Variants in OSR2 observed in about 807,000 individuals in gnomAD.
The protein encoded by OSR2 is protein odd-skipped-related 2.
A neutral mutation model predicts 22.3 loss-of-function variants in OSR2; 8 were observed. The observed-to-expected ratio is 0.36, with a 90% confidence interval of 0.21 to 0.65. The LOEUF (loss-of-function observed/expected upper bound fraction) is 0.65. Among genes scored for constraint, OSR2 ranks in the 30% least tolerant of loss-of-function variants. The probability of loss-of-function intolerance (pLI) is 0.66; values close to 1 mark genes in which losing one functional copy is unlikely to be tolerated. For missense variants in OSR2, 311 were observed against 413.4 expected, an observed-to-expected ratio of 0.75 and a Z score of 2.15; for synonymous variants, 179 against 173.8, an observed-to-expected ratio of 1.03 and a Z score of -0.23.
At chr8:98,950,587 G>A (rs1254327278) in intron 2 of OSR2, 69 bp from the exon 3 acceptor site, 2 of 926,488 alleles carry the variant, frequency 2.2e-6, no homozygotes, top group Non-Finnish European at 3.3e-6. Flanking sequence ...TTCCTTTTAA[G>A]TAATTGCTAA....
At chr8:98,947,109 C>T (rs1840631576) in intron 1 of OSR2, among the ~76,000 whole-genome samples, 1 of 151,802 alleles carries the variant, frequency 6.6e-6, no homozygotes, top group African/African-American at 2.4e-5. Context: ...AAGTTGATTA[C>T]TAATGGGGGT....
chr8:98,949,641 G>A lies in OSR2; in HGVS notation c.656+33G>A, dbSNP rs1587891641. 6.3e-7 allele frequency: 1 copy of A among 1,584,386 alleles called. No homozygotes were observed. Among genetic ancestry groups the A allele is most frequent in the East Asian group, 2.2e-5 (1 of 44,594 alleles). ...GGGCAAGGAGGATGGCTGGGAGAGG[G>A]AAAGCGAATTTGTCCTGGACACACC... On this transcript the variant is annotated intron_variant, in intron 2 of 3. Transcript: ENST00000297565. The surrounding 1 kb of genome is among the most constrained non-coding windows in gnomAD (Gnocchi z 5.9).
rs1334288928 is a variant in OSR2, at chr8:98,951,745, A to G, written c.*44A>G. On this transcript the variant is annotated 3_prime_UTR_variant, in exon 4 of 4. Transcript: ENST00000297565. ...CCGTGCCGCCGCTGCTCCCCTCCCC[A>G]GACACCTCTCCACGTCTCCTACCCA... 5.7e-6 allele frequency: 9 copies of G among 1,567,992 alleles called. No individual in the cohort carries two copies. Among genetic ancestry groups the G allele is most frequent in the Non-Finnish European group, 7.8e-6 (9 of 1,157,538 alleles).
At position 98,949,116 on chromosome 8, in the gene OSR2, C is replaced by T; in HGVS notation, c.164C>T (p.Thr55Met). Residue 55 changes from threonine (T) to methionine (M), a missense_variant, in exon 2 of 4, where the codon ACG becomes ATG. Thr to Met is a moderately conservative substitution (Grantham distance 81). Transcript: ENST00000297565. This position sits in a 1 kb window ranked among gnomAD's most constrained non-coding sequence, Gnocchi z 5.9. ...CAGACCATGCACATGAACCACTGGA[C>T]GCTGGGGTATCCCAATGTGCACGAG... is the stretch of plus-strand genomic sequence containing the variant. ...AVQTMHMNHW[T>M]LGYPNVHEIT... The T allele has an allele frequency of 1.2e-6, 2 of 1,613,802 alleles. No individual in the cohort carries two copies. The highest frequency in any genetic ancestry group is 1.7e-6 in the Non-Finnish European group (2 of 1,179,842).
At chr8:98,946,722 A>G (rs1388418309) in intron 1 of OSR2, among the ~76,000 whole-genome samples, 1 of 152,210 alleles carries the variant, frequency 6.6e-6, no homozygotes, top group Admixed American at 6.5e-5. Context: ...ATCACAGGTC[A>G]CAACAGTACT....
intron 1 of OSR2, among the ~76,000 whole-genome samples, chr8:98,945,783 ATCT>A (rs1449194199): frequency 1.3e-5 from 2 of 152,046 alleles, no homozygotes; most frequent in East Asian, 3.9e-4. Flanking sequence ...CTTTTTAATG[ATCT>A]TCTTTGATCT....
chr8:98,951,261 C>T (rs1840773062), intron 3 of OSR2, among the ~76,000 whole-genome samples: 2 of 152,090 alleles, frequency 1.3e-5, no homozygotes, highest in East Asian at 1.9e-4. Context: ...ATGTGAAGAG[C>T]TGGAAATCAC....
Position 98,950,756 on chromosome 8 carries a change from G to T in OSR2, c.756+1G>T. 1 of 1,602,226 alleles carries T rather than the reference G, an allele frequency of 6.2e-7. No homozygotes were observed. Among genetic ancestry groups the T allele is most frequent in the Non-Finnish European group, 8.5e-7 (1 of 1,170,814 alleles). ...AGTTCACAAAACTTTACACATGCAG[G>T]TAAGTTTGTTTTCTTGTTTAAAAAC... On this transcript the variant is annotated splice_donor_variant, in intron 3 of 3. Transcript: ENST00000297565. LOFTEE classifies it high-confidence loss of function.
rs774752600 is a variant in OSR2, at chr8:98,950,662, C to T, written c.663C>T (p.Ile221=). ...ACCTTATATTGATTTTCAGATACAT[C>T]CATTCCAAAGAAAAACCCTTCAAAT... The part of the protein sequence containing the change: ...RQDHLRDHRY[I]HSKEKPFKCQ... Residue 221 remains isoleucine, a synonymous_variant, in exon 3 of 4, where the codon ATC becomes ATT. Transcript: ENST00000297565. The T allele has an allele frequency of 1.9e-6, 3 of 1,606,688 alleles. No individual in the cohort carries two copies. Among genetic ancestry groups the T allele is most frequent in the East Asian group, 2.2e-5 (1 of 44,802 alleles).
At chr8:98,950,854 C>G in intron 3 of OSR2, 99 bp downstream of exon 3, 1 of 774,638 alleles carries the variant, frequency 1.3e-6, no homozygotes, top group Non-Finnish European at 2.2e-6. Flanking sequence ...TTAAAAGGCT[C>G]TATTTAGATT....
intron 1 of OSR2, among the ~76,000 whole-genome samples, chr8:98,946,948 G>T (rs531804134): frequency 1.3e-5 from 2 of 152,066 alleles, no homozygotes; most frequent in African/African-American, 4.8e-5. Context: ...TCCTCATTAC[G>T]CAAAGAGAAG....
chr8:98,951,651 T>C lies in OSR2; in HGVS notation c.889T>C (p.Cys297Arg). 3 of 1,613,924 alleles carry C rather than the reference T, an allele frequency of 1.9e-6. No individual in the cohort carries two copies. Among genetic ancestry groups the C allele is most frequent in the Non-Finnish European group, 2.5e-6 (3 of 1,179,872 alleles). ...EQCGKVFRRN[C>R]DLRRHSLTHT... ...GTGCGGCAAAGTGTTCAGGCGAAACTGTGATCTGCGGCGGCACAGCCTGAC... is the reference window on the plus strand; with the variant it reads ...GTGCGGCAAAGTGTTCAGGCGAAACCGTGATCTGCGGCGGCACAGCCTGAC... Residue 297 changes from cysteine (C) to arginine (R), a missense_variant, in exon 4 of 4, where the codon TGT (cysteine) becomes CGT (arginine). Coordinates refer to ENST00000297565, the MANE Select transcript of OSR2 (RefSeq NM_001142462.3).
intron 1 of OSR2, among the ~76,000 whole-genome samples, chr8:98,946,761 G>A (rs934334442): frequency 6.6e-6 from 1 of 152,118 alleles, no homozygotes; most frequent in East Asian, 1.9e-4. Flanking sequence ...CCACATGCCC[G>A]CTCCCCCCTC....
intron 3 of OSR2, 108 bp from the exon 4 acceptor site, chr8:98,951,411 A>T: frequency 9.4e-7 from 1 of 1,066,660 alleles, no homozygotes; most frequent in Non-Finnish European, 1.3e-6. Flanking sequence ...TTTTGTTGTC[A>T]TGAGAGTGTT....
At chr8:98,947,271 GC>G (rs1221306028) in intron 1 of OSR2, among the ~76,000 whole-genome samples, 2 of 151,954 alleles carry the variant, frequency 1.3e-5, no homozygotes, top group African/African-American at 4.8e-5. Flanking sequence ...GAAGGTGTGG[GC>G]CCCGCAGAGG....
At chr8:98,946,904 G>A (rs562890043) in intron 1 of OSR2, among the ~76,000 whole-genome samples, 33 of 152,124 alleles carry the variant, frequency 2.2e-4, no homozygotes, top group African/African-American at 4.3e-4. Flanking sequence ...TTTTCAACAC[G>A]AAGGGAAAAA....
chr8:98,948,091 G>A lies in OSR2; in HGVS notation c.-114-748G>A. 1 of 1,343,356 alleles carries A rather than the reference G, an allele frequency of 7.4e-7. No homozygotes were observed. The highest frequency in any genetic ancestry group is 9.5e-7 in the Non-Finnish European group (1 of 1,049,262). The allele number at this position is 1,343,356 out of a possible 1,614,324, so 83.2% of individuals were successfully genotyped here. ...TCGGGGGTTGGGAGGAGAGCCCGTG[G>A]ATAGGAGGAGGGGGCGATTCTAGGC... On this transcript the variant is annotated intron_variant, in intron 1 of 3. Transcript: ENST00000297565. This position sits in a 1 kb window ranked among gnomAD's most constrained non-coding sequence, Gnocchi z 6.0.
Position 98,949,449 on chromosome 8 carries a change from C to A in OSR2, c.497C>A (p.Ser166Tyr). 6.2e-7 allele frequency: 1 copy of A among 1,613,900 alleles called. No individual in the cohort carries two copies. Among genetic ancestry groups the A allele is most frequent in the Non-Finnish European group, 8.5e-7 (1 of 1,179,848 alleles). Residue 166 changes from serine to tyrosine, a missense_variant, in exon 2 of 4, where the codon TCC becomes TAC. By Grantham distance (144) the Ser-to-Tyr change is moderately radical. Coordinates refer to ENST00000297565, the MANE Select transcript of OSR2 (RefSeq NM_001142462.3). The surrounding 1 kb of genome is among the most constrained non-coding windows in gnomAD (Gnocchi z 5.9). ...DRKPSRGRLP[S>Y]KTKKEFICKF... is the part of the protein sequence containing the mutation. ...AAGCCCTCTCGAGGAAGGTTGCCCT[C>A]CAAAACGAAAAAAGAGTTTATCTGC...
At chr8:98,950,479 A>G (rs1287884712) in intron 2 of OSR2, among the ~76,000 whole-genome samples, 177 bp from the exon 3 acceptor site, 1 of 152,172 alleles carries the variant, frequency 6.6e-6, no homozygotes, top group Non-Finnish European at 1.5e-5. Context: ...AATATTTTGA[A>G]GAGAATTAGT....
Sources: allele counts gnomAD v4.1 joint callset (sites outside exome capture counted in the v4.1 genomes callset), GRCh38; gene constraint gnomAD v4.1.1; non-coding constraint Gnocchi (gnomAD v3.1); transcripts MANE v1.5; gene names NCBI Gene and HGNC (gene_info 2026-07-23, HGNC 2026-07-21).